RPL27: variants seen among roughly 807,000 people sequenced by gnomAD.
RPL27 encodes large ribosomal subunit protein eL27.
For missense variants in RPL27, 131 were observed against 174.3 expected, an observed-to-expected ratio of 0.75 and a Z score of 1.40; for synonymous variants, 77 against 61.0, an observed-to-expected ratio of 1.26 and a Z score of -1.22.
chr17:43,002,550 T>G (rs2151966215), intron 3 of RPL27, 123 bp from the exon 4 acceptor site: 2 of 671,390 alleles, frequency 3.0e-6, no homozygotes, highest in Middle Eastern at 8.5e-4. Flanking sequence ...CATCGGGACA[T>G]GGCTTTTGAT....
rs1263187199 is a variant in RPL27 at position 42,998,481 on chromosome 17, A to C, written c.-3+10A>C. On this transcript the variant is annotated intron_variant, in intron 1 of 4. Transcript: ENST00000253788. Reference sequence around the variant, plus strand: ...CGGGTGGTTGCTGCCGGTAAGTAGAAGCTTGGGTTGAATCTTTCAATCCGC... The same window carrying C: ...CGGGTGGTTGCTGCCGGTAAGTAGACGCTTGGGTTGAATCTTTCAATCCGC... 3 of 346,194 alleles carry C rather than the reference A, an allele frequency of 8.7e-6. No individual in the cohort carries two copies. The highest frequency in any genetic ancestry group is 6.6e-5 in the African/African-American group (3 of 45,616). 21.4% of individuals were successfully genotyped at this position (346,194 alleles called of 1,614,324 possible).
Position 43,002,861 on chromosome 17 carries a change from T to TA in RPL27, c.363-11_363-10insA. 2.5e-6 allele frequency: 4 copies of TA among 1,613,700 alleles called. No individual in the cohort carries two copies. The South Asian group carries it at 4.4e-5, about 18-fold the overall frequency. On this transcript the variant is annotated splice_polypyrimidine_tract_variant and intron_variant, in intron 4 of 4. Transcript: ENST00000253788. Reference sequence around the variant, plus strand: ...CTTTCCTCATTGGTGTCCTCTTTTTTTCCCTTCTAGATACAAGACAGGCAA... The same window carrying TA: ...CTTTCCTCATTGGTGTCCTCTTTTTTATCCCTTCTAGATACAAGACAGGCAA...
chr17:43,002,544 G>A (rs1313594848), intron 3 of RPL27, 129 bp from the exon 4 acceptor site: 7 of 654,268 alleles, frequency 1.1e-5, no homozygotes, highest in East Asian at 2.5e-5. Context: ...TAATGTCATC[G>A]GGACATGGCT....
chr17:43,002,886 A>C lies in RPL27; in HGVS notation c.377A>C (p.Lys126Thr), dbSNP rs762000722. ...TTCCCTTCTAGATACAAGACAGGCA[A>C]GAACAAGTGGTTCTTCCAGAAACTG... ...VKFEERYKTG[K>T]NKWFFQKLRF The change falls in exon 5 of 5, where the codon AAG becomes ACG. Residue 126 changes from lysine to threonine, a missense_variant. Physicochemically the swap from Lys to Thr is moderately conservative, Grantham distance 78. Coordinates refer to ENST00000253788, the MANE Select transcript of RPL27 (RefSeq NM_000988.5). The C allele has an allele frequency of 6.2e-7, 1 of 1,613,882 alleles. No homozygotes were observed. The highest frequency in any genetic ancestry group is 8.5e-7 in the Non-Finnish European group (1 of 1,179,862).
chr17:42,998,658 G>A, intron 1 of RPL27, 91 bp from the exon 2 acceptor site: 2 of 997,576 alleles, frequency 2.0e-6, no homozygotes, highest in East Asian at 2.5e-5. Context: ...TGAAGTTCCG[G>A]CCCAAGACCT....
chr17:42,999,857 TGGACACTGCA>T, intron 2 of RPL27, 66 bp from the exon 3 acceptor site: 1 of 1,180,362 alleles, frequency 8.5e-7, no homozygotes, highest in South Asian at 1.3e-5. Context: ...AAATATTTTT[TGGACACTGCA>T]CTACCTCTAA....
At chr17:43,001,139 C>T (rs1037253443) in intron 3 of RPL27, among the ~76,000 whole-genome samples, 4 of 149,298 alleles carry the variant, frequency 2.7e-5, no homozygotes, top group Non-Finnish European at 4.5e-5. Flanking sequence ...GTCAGGAGAT[C>T]GAGACCGCAC....
intron 3 of RPL27, 61 bp from the exon 4 acceptor site, chr17:43,002,612 G>T: frequency 1.1e-6 from 1 of 869,884 alleles, no homozygotes; most frequent in Non-Finnish European, 2.0e-6. Flanking sequence ...ACAAGGATTT[G>T]GGCTGTATAG....
Position 43,002,935 on chromosome 17 carries a change from T to A in RPL27, c.*15T>A, listed in dbSNP as rs979078268. On this transcript the variant is annotated 3_prime_UTR_variant, in exon 5 of 5. Coordinates refer to ENST00000253788, the MANE Select transcript of RPL27 (RefSeq NM_000988.5). ...TGCGGTTTTAGATGCTTTGTTTTGA[T>A]CATTAAAAATTATAAAGAAAAAAAG... 1.7e-5 allele frequency: 27 copies of A among 1,599,168 alleles called. No homozygotes were observed. Among genetic ancestry groups the A allele is most frequent in the Non-Finnish European group, 2.6e-6 (3 of 1,167,078 alleles).
intron 3 of RPL27, among the ~76,000 whole-genome samples, chr17:43,001,708 T>C (rs2050364123): frequency 6.6e-6 from 1 of 151,726 alleles, no homozygotes; most frequent in African/African-American, 2.4e-5. Context: ...GTGTTTGGGC[T>C]GTCATGAGAG....
rs1052516238 is a variant in RPL27 at position 43,002,735 on chromosome 17, C to T, written c.314C>T (p.Ala105Val). ...AATAAGGATGTCTTCAGAGATCCTG[C>T]TCTTAAACGCAAGGCCCGACGGGAG... ...VVNKDVFRDP[A>V]LKRKARREAK... The change falls in exon 4 of 5, where the codon GCT becomes GTT. Residue 105 changes from alanine to valine, a missense_variant. Transcript: ENST00000253788. 5.0e-6 allele frequency: 8 copies of T among 1,614,004 alleles called. No homozygotes were observed. Among genetic ancestry groups the T allele is most frequent in the Non-Finnish European group, 5.9e-6 (7 of 1,179,886 alleles).
chr17:43,000,330 C>T (rs1440514762), intron 3 of RPL27, among the ~76,000 whole-genome samples: 1 of 152,070 alleles, frequency 6.6e-6, no homozygotes, highest in Non-Finnish European at 1.5e-5. Flanking sequence ...TCTGATCTGC[C>T]CTCTTCCACT....
At chr17:42,999,026 A>T (rs2050330956) in intron 2 of RPL27, 195 bp downstream of exon 2, 1 of 565,520 alleles carries the variant, frequency 1.8e-6, no homozygotes, top group East Asian at 3.1e-5. Flanking sequence ...CTCCCAACGC[A>T]TAAAGCCTTC....
At chr17:43,002,592 C>G (rs1191724516) in intron 3 of RPL27, 81 bp from the exon 4 acceptor site, 2 of 764,196 alleles carry the variant, frequency 2.6e-6, no homozygotes, top group Non-Finnish European at 4.8e-6. Context: ...CCCTGATTCC[C>G]TAGTGTCCCA....
In RPL27 at chr17:42,998,433, T is replaced by C. The variant is rs774786980; in HGVS notation, c.-41T>C. On this transcript the variant is annotated 5_prime_UTR_variant, in exon 1 of 5. Transcript: ENST00000253788. ...GGTGAAAGGTTAGCGGAAGTGTCCT[T>C]CTTTCCTTTTTGCTGGTAGGGCCGG... is the stretch of plus-strand genomic sequence containing the variant. 4.0e-5 allele frequency: 7 copies of C among 172,938 alleles called. No homozygotes were observed. Among genetic ancestry groups the C allele is most frequent in the African/African-American group, 8.4e-5 (2 of 23,950 alleles). The allele number at this position is 172,938 out of a possible 1,614,324, so 10.7% of individuals were successfully genotyped here. A position where few individuals can be genotyped will look rare whatever the true frequency, so the allele number is the denominator to read the frequency against.
chr17:43,002,832 A>T lies in RPL27; in HGVS notation c.363-40A>T, dbSNP rs1165130834. ...GGTGGAGTATGGTTTCACTATTTCC[A>T]TTCCTTTCCTCATTGGTGTCCTCTT... On this transcript the variant is annotated intron_variant, in intron 4 of 4. Coordinates refer to ENST00000253788, the MANE Select transcript of RPL27 (RefSeq NM_000988.5). 3 of 1,607,502 alleles carry T rather than the reference A, an allele frequency of 1.9e-6. No homozygotes were observed. In the South Asian group the frequency reaches 3.3e-5, roughly 18 times the overall value.
chr17:43,002,731 C>T lies in RPL27; in HGVS notation c.310C>T (p.Pro104Ser). 6.2e-7 allele frequency: 1 copy of T among 1,614,038 alleles called. No individual in the cohort carries two copies. Among genetic ancestry groups the T allele is most frequent in the Non-Finnish European group, 8.5e-7 (1 of 1,179,958 alleles). Residue 104 changes from proline (P) to serine (S), a missense_variant, in exon 4 of 5, where the codon CCT becomes TCT. Pro to Ser is a moderately conservative substitution (Grantham distance 74). Coordinates refer to ENST00000253788, the MANE Select transcript of RPL27 (RefSeq NM_000988.5). ...TVVNKDVFRD[P>S]ALKRKARREA... ...CGTCAATAAGGATGTCTTCAGAGAT[C>T]CTGCTCTTAAACGCAAGGCCCGACG... is the stretch of plus-strand genomic sequence containing the variant.
chr17:42,998,521 T>TG (rs1161603130), intron 1 of RPL27, 50 bp downstream of exon 1: 3 of 432,722 alleles, frequency 6.9e-6, no homozygotes, highest in East Asian at 4.5e-5. Context: ...ATCCGCGGCT[T>TG]GGGGGTCGAA....
rs745871954 is a variant in RPL27 at position 42,999,888 on chromosome 17, A to C, written c.82-45A>C. ...CTGCACTACCTCTAACACAGGGCCT[A>C]AATAGGCCCTCAGTGAATAACAAAT... On this transcript the variant is annotated intron_variant, in intron 2 of 4. Transcript: ENST00000253788. The C allele has an allele frequency of 5.8e-6, 9 of 1,556,518 alleles. No individual in the cohort carries two copies. In the Admixed American group the frequency reaches 1.5e-4, roughly 26 times the overall value.
Sources: allele counts gnomAD v4.1 joint callset (sites outside exome capture counted in the v4.1 genomes callset), GRCh38; gene constraint gnomAD v4.1.1; transcripts MANE v1.5; gene names NCBI Gene and HGNC (gene_info 2026-07-23, HGNC 2026-07-21).